The following MAGI2 variants were observed in gnomAD, a reference collection of about 807,000 sequenced individuals.
MAGI2 encodes membrane-associated guanylate kinase, WW and PDZ domain-containing protein 2.
In MAGI2, 35 loss-of-function variants were observed where a neutral mutation model predicts 133.3. The ratio of observed to expected loss-of-function variants is 0.26; its 90% CI spans 0.20 to 0.35. The LOEUF is 0.35. Among genes scored for constraint, MAGI2 ranks in the 10% least tolerant of loss-of-function variants. The pLI is 1.00. For synonymous variants in MAGI2, 729 were observed against 710.6 expected, an observed-to-expected ratio of 1.03 and a Z score of -0.41; for missense variants, 1,636 against 1,863.4, an observed-to-expected ratio of 0.88 and a Z score of 2.25.
At chr7:79,031,080 A>T (rs1312710378) in intron 1 of MAGI2, among the ~76,000 whole-genome samples, 1 of 152,146 alleles carries the variant, frequency 6.6e-6, no homozygotes, top group Non-Finnish European at 1.5e-5. Flanking sequence ...CATGAGCATG[A>T]TATAAATCTA....
intron 21 of MAGI2, among the ~76,000 whole-genome samples, chr7:78,040,650 G>T (rs1165848654): frequency 6.6e-6 from 1 of 152,152 alleles, no homozygotes; most frequent in East Asian, 1.9e-4. Context: ...CGCACCCGGG[G>T]CAGGTCACCT....
chr7:78,457,093 C>G (rs1286883538), intron 6 of MAGI2: 1 of 152,206 alleles, frequency 6.6e-6, no homozygotes, highest in Non-Finnish European at 1.5e-5. Context: ...TGAATATCCT[C>G]TTTGCTTTCA....
At chr7:78,198,919 C>T (rs1335868542) in intron 11 of MAGI2, among the ~76,000 whole-genome samples, 1 of 152,166 alleles carries the variant, frequency 6.6e-6, no homozygotes, top group African/African-American at 2.4e-5. Context: ...TAGCATATTA[C>T]TTGTTCAACA....
At chr7:78,628,876 G>A (rs1479542383) in intron 2 of MAGI2, among the ~76,000 whole-genome samples, 1 of 150,596 alleles carries the variant, frequency 6.6e-6, no homozygotes, top group Non-Finnish European at 1.5e-5. Flanking sequence ...GCATTAACAT[G>A]GTTTTTGGCA....
At chr7:78,865,005 G>A (rs542288161) in intron 2 of MAGI2, among the ~76,000 whole-genome samples, 92 of 152,238 alleles carry the variant, frequency 6.0e-4, no homozygotes, top group Middle Eastern at 6.8e-3. Flanking sequence ...CCTCTAAACC[G>A]TAGAAATTGT....
In MAGI2 at chr7:79,018,947, C is replaced by T. The variant is rs569593267; in HGVS notation, c.302-11741G>A. On this transcript the variant is annotated intron_variant, in intron 1 of 21. Coordinates refer to ENST00000354212, the MANE Select transcript of MAGI2 (RefSeq NM_012301.4). ...ATAACCACAAAAGAATAATGGAAGA[C>T]TTTAACACTCCACTGAGAGTATTAG... 7.8e-4 allele frequency among the ~76,000 whole-genome samples: 118 copies of T among 152,230 alleles called. 1 individual carries two copies. The highest frequency in any genetic ancestry group is 6.8e-3 in the Middle Eastern group (2 of 294).
intron 2 of MAGI2, among the ~76,000 whole-genome samples, chr7:78,980,493 G>A (rs1034455407): frequency 1.3e-5 from 2 of 151,738 alleles, no homozygotes; most frequent in African/African-American, 2.4e-5. Context: ...GTTATGTAGA[G>A]TCAAATGAAG....
Position 78,489,746 on chromosome 7 carries a change from AACTT to A in MAGI2, c.1045+11_1045+14del. 1 of 1,596,310 alleles carries A rather than the reference AACTT, an allele frequency of 6.3e-7. No homozygotes were observed. The highest frequency in any genetic ancestry group is 8.6e-7 in the Non-Finnish European group (1 of 1,165,776). On this transcript the variant is annotated intron_variant, in intron 6 of 21. Transcript: ENST00000354212. ...AAGCACATTGCTGAAACACCATAAA[AACTT>A]AATAACCTACCATTTTCTTTGCACT... is the stretch of plus-strand genomic sequence containing the variant.
Position 79,453,215 on chromosome 7 carries a change from C to A in MAGI2, c.106G>T (p.Ala36Ser), listed in dbSNP as rs751943016. 6.2e-7 allele frequency: 1 copy of A among 1,613,968 alleles called. No individual in the cohort carries two copies. The highest frequency in any genetic ancestry group is 8.5e-7 in the Non-Finnish European group (1 of 1,180,038). ...GQLGFELKGG[A>S]ENGQFPYLGE... ...AGGTAGGGGAACTGTCCATTCTCGGCGCCCCCCTTCAGTTCAAAGCCCAGC... is the reference window on the plus strand; with the variant it reads ...AGGTAGGGGAACTGTCCATTCTCGGAGCCCCCCTTCAGTTCAAAGCCCAGC... Residue 36 changes from alanine (A) to serine (S), a missense_variant, in exon 1 of 22, where the codon GCC becomes TCC. By Grantham distance (99) the Ala-to-Ser change is moderately conservative. Transcript: ENST00000354212.
At chr7:78,584,149 C>T (rs756884175) in intron 3 of MAGI2, among the ~76,000 whole-genome samples, 5 of 152,090 alleles carry the variant, frequency 3.3e-5, no homozygotes, top group African/African-American at 4.8e-5. Context: ...GGGCCGGGCA[C>T]GGTGGCTCAC....
intron 21 of MAGI2, among the ~76,000 whole-genome samples, chr7:78,077,461 C>T (rs2151182156): frequency 6.6e-6 from 1 of 151,466 alleles, no homozygotes; most frequent in African/African-American, 2.4e-5. Context: ...GGGTAGGAAT[C>T]TGGAATGAAA....
At chr7:79,247,309 G>T (rs1179065721) in intron 1 of MAGI2, among the ~76,000 whole-genome samples, 1 of 152,048 alleles carries the variant, frequency 6.6e-6, no homozygotes, top group Non-Finnish European at 1.5e-5. Flanking sequence ...AATAATAAAA[G>T]ATAAACTGAT....
At chr7:78,421,929 T>G (rs914259158) in intron 6 of MAGI2, among the ~76,000 whole-genome samples, 1 of 152,190 alleles carries the variant, frequency 6.6e-6, no homozygotes, top group African/African-American at 2.4e-5. Flanking sequence ...ATTTTAAATT[T>G]ATATATCCTC....
chr7:78,566,859 C>T (rs1423392623), intron 3 of MAGI2, among the ~76,000 whole-genome samples: 2 of 151,976 alleles, frequency 1.3e-5, no homozygotes, highest in Non-Finnish European at 2.9e-5. Context: ...TGTAATCAGC[C>T]TGAGAATTGA....
At chr7:78,803,247 C>T (rs115207089) in intron 2 of MAGI2, among the ~76,000 whole-genome samples, 1,836 of 152,166 alleles carry the variant, frequency 0.012, 46 homozygotes, top group Admixed American at 0.05. Context: ...AAAGTGTTAA[C>T]TGCTAATAAG....
At chr7:78,567,384 C>A (rs1487908361) in intron 3 of MAGI2, among the ~76,000 whole-genome samples, 1 of 136,052 alleles carries the variant, frequency 7.4e-6, no homozygotes, top group Non-Finnish European at 1.6e-5. Context: ...CAAAAGAGAG[C>A]CTACACACTA....
At chr7:78,467,364 G>A (rs1019789899) in intron 6 of MAGI2, among the ~76,000 whole-genome samples, 1 of 152,046 alleles carries the variant, frequency 6.6e-6, no homozygotes, top group Admixed American at 6.6e-5. Context: ...ACAGAGGCAA[G>A]GAGATACTTC....
chr7:78,961,195 T>C (rs1386124224), intron 2 of MAGI2, among the ~76,000 whole-genome samples: 1 of 152,048 alleles, frequency 6.6e-6, no homozygotes, highest in East Asian at 1.9e-4. Flanking sequence ...CTTTATTGAG[T>C]AGCTCAAATG....
intron 9 of MAGI2, among the ~76,000 whole-genome samples, chr7:78,271,043 G>A (rs1209515952): frequency 1.3e-5 from 2 of 152,054 alleles, no homozygotes; most frequent in Admixed American, 6.6e-5. Context: ...TCTTGTGCCA[G>A]TTTTCAAAGG....
Sources: allele counts gnomAD v4.1 joint callset (sites outside exome capture counted in the v4.1 genomes callset), GRCh38; gene constraint gnomAD v4.1.1; transcripts MANE v1.5; gene names NCBI Gene and HGNC (gene_info 2026-07-23, HGNC 2026-07-21).